The following IL1RAPL2 variants were observed in gnomAD, a reference collection of about 807,000 sequenced individuals.
IL1RAPL2 encodes the protein interleukin 1 receptor accessory protein like 2.
A neutral mutation model predicts 44.1 loss-of-function variants in IL1RAPL2; 3 were observed. That is an observed-to-expected ratio of 0.07 (90% CI 0.03 to 0.18). The LOEUF (loss-of-function observed/expected upper bound fraction) is 0.18, where lower values mean the gene tolerates loss of function less well. Ranked by LOEUF, IL1RAPL2 falls within the 10% of genes least tolerant of loss-of-function variation. The pLI, the probability that IL1RAPL2 is intolerant of heterozygous loss-of-function variation, is 1.00. For missense variants in IL1RAPL2, 391 were observed against 496.4 expected (o/e 0.79, Z 2.02); for synonymous variants, 181 against 178.8 (o/e 1.01, Z -0.10).
intron 5 of IL1RAPL2, among the ~76,000 whole-genome samples, chrX:105,450,789 TACA>T (rs968470653): frequency 1.8e-5 from 2 of 112,039 alleles, no homozygotes; most frequent in African/African-American, 6.5e-5. Flanking sequence ...ATTTGATTTC[TACA>T]ACAACTTTGC....
At chrX:105,258,578 A>G (rs1329920839) in intron 4 of IL1RAPL2, among the ~76,000 whole-genome samples, 1 of 111,968 alleles carries the variant, frequency 8.9e-6, no homozygotes, top group Non-Finnish European at 1.9e-5. Context: ...AGTGATTCAT[A>G]GATTTGGCCT....
chrX:104,877,045 C>A (rs1220710486), intron 2 of IL1RAPL2, among the ~76,000 whole-genome samples: 3 of 110,600 alleles, frequency 2.7e-5, no homozygotes, highest in Non-Finnish European at 3.8e-5. Flanking sequence ...CATGTCCCTA[C>A]AAAGGACATG....
chrX:105,313,597 T>C (rs1044818967), intron 5 of IL1RAPL2, among the ~76,000 whole-genome samples: 8 of 111,748 alleles, frequency 7.2e-5, no homozygotes, highest in African/African-American at 2.6e-4. Context: ...TGTTTATTCT[T>C]CCATGTCATG....
chrX:105,670,224 CTT>C (rs34713102), intron 6 of IL1RAPL2, among the ~76,000 whole-genome samples: 41 of 78,509 alleles, frequency 5.2e-4, no homozygotes, highest in Admixed American at 4.1e-3. Context: ...ATTTTTCCTA[CTT>C]TTTTTTTTTT....
chrX:105,085,942 T>C (rs2032474040), intron 2 of IL1RAPL2, among the ~76,000 whole-genome samples: 1 of 111,974 alleles, frequency 8.9e-6, no homozygotes, highest in African/African-American at 3.3e-5. Context: ...TGGAAGTGGT[T>C]CATCATAAAG....
At chrX:104,866,866 T>G (rs745719839) in intron 2 of IL1RAPL2, among the ~76,000 whole-genome samples, 1 of 111,428 alleles carries the variant, frequency 9.0e-6, no homozygotes, top group African/African-American at 3.3e-5. Context: ...TGAATGTGTG[T>G]TTCTTGAACA....
At chrX:105,750,802 C>T (rs778101844) in intron 9 of IL1RAPL2, among the ~76,000 whole-genome samples, 1 of 109,501 alleles carries the variant, frequency 9.1e-6, no homozygotes, top group South Asian at 4.0e-4. Flanking sequence ...GATCAATTAC[C>T]CTCAGTTCTT....
At chrX:105,265,638 T>C (rs944465024) in intron 4 of IL1RAPL2, among the ~76,000 whole-genome samples, 33 of 111,748 alleles carry the variant, frequency 3.0e-4, no homozygotes, top group African/African-American at 8.8e-4. Flanking sequence ...GGTAGTTGTA[T>C]TGAACATAAA....
At chrX:105,129,513 C>A (rs916806259) in intron 2 of IL1RAPL2, among the ~76,000 whole-genome samples, 2 of 110,273 alleles carry the variant, frequency 1.8e-5, no homozygotes, top group Non-Finnish European at 1.9e-5. Flanking sequence ...TTGTCTCATC[C>A]CCCTGCTGAC....
At chrX:105,191,924 A>T (rs1975317537) in intron 2 of IL1RAPL2, among the ~76,000 whole-genome samples, 1 of 111,719 alleles carries the variant, frequency 9.0e-6, no homozygotes, top group African/African-American at 3.3e-5. Flanking sequence ...CACCTGTGGG[A>T]GAAGCCAAGC....
chrX:105,229,498 A>G (rs1358383533), intron 3 of IL1RAPL2, among the ~76,000 whole-genome samples: 1 of 112,117 alleles, frequency 8.9e-6, no homozygotes, highest in Non-Finnish European at 1.9e-5. Flanking sequence ...AGTGACCACA[A>G]TGAGAGTGTA....
At chrX:105,393,437 A>G (rs777970165) in intron 5 of IL1RAPL2, among the ~76,000 whole-genome samples, 1 of 111,733 alleles carries the variant, frequency 8.9e-6, no homozygotes, top group South Asian at 3.8e-4. Flanking sequence ...TGTGACCTTC[A>G]GAACAATGGC....
At chrX:105,226,934 C>A (rs961050724) in intron 3 of IL1RAPL2, among the ~76,000 whole-genome samples, 1 of 109,616 alleles carries the variant, frequency 9.1e-6, no homozygotes, top group Non-Finnish European at 1.9e-5. Context: ...GCATCATGAA[C>A]TATAAGAAAG....
intron 2 of IL1RAPL2, among the ~76,000 whole-genome samples, chrX:105,165,303 GTGTTGCCAC>G (rs1264045820): frequency 1.8e-5 from 2 of 111,536 alleles, no homozygotes; most frequent in Non-Finnish European, 3.8e-5. Context: ...GAGCTTAATA[GTGTTGCCAC>G]TGAAGCAGAA....
rs186520966 is a variant in IL1RAPL2, at chrX:104,902,741, G to C, written c.82+243746G>C. Among the ~76,000 whole-genome samples the C allele has an allele frequency of 3.8e-3, 427 of 111,500 alleles. 1 individual carries two copies. Among genetic ancestry groups the C allele is most frequent in the Non-Finnish European group, 4.0e-3 (210 of 53,089 alleles). On this transcript the variant is annotated intron_variant, in intron 2 of 10. Transcript: ENST00000372582. Reference sequence around the variant, plus strand: ...CTAGTGTTATAGGTAACAGTTCCCAGCTTGATCAATGTAAATAAATATAAG... The same window carrying C: ...CTAGTGTTATAGGTAACAGTTCCCACCTTGATCAATGTAAATAAATATAAG...
At chrX:105,596,792 T>C (rs1436333613) in intron 6 of IL1RAPL2, among the ~76,000 whole-genome samples, 1 of 111,730 alleles carries the variant, frequency 9.0e-6, no homozygotes, top group Non-Finnish European at 1.9e-5. Context: ...TGGACCCTTA[T>C]CTTACACCAT....
At chrX:105,590,887 ATC>A in intron 6 of IL1RAPL2, among the ~76,000 whole-genome samples, 1 of 90,119 alleles carries the variant, frequency 1.1e-5, no homozygotes, top group African/African-American at 4.7e-5. Context: ...GTGTGTGTGT[ATC>A]TCTGCTAGAT....
At chrX:105,669,731 C>A (rs1331948694) in intron 6 of IL1RAPL2, among the ~76,000 whole-genome samples, 1 of 110,212 alleles carries the variant, frequency 9.1e-6, no homozygotes, top group Non-Finnish European at 1.9e-5. Context: ...TGACAGAAAT[C>A]CTTCATGTTG....
intron 2 of IL1RAPL2, among the ~76,000 whole-genome samples, chrX:104,876,718 T>TTTA (rs200283526): frequency 0.023 from 2,123 of 93,363 alleles, 66 homozygotes; most frequent in African/African-American, 0.063. Flanking sequence ...AACAATTTCT[T>TTTA]TTATTATTAT....
Sources: allele counts gnomAD v4.1 joint callset (sites outside exome capture counted in the v4.1 genomes callset), GRCh38; gene constraint gnomAD v4.1.1; transcripts MANE v1.5; gene names NCBI Gene and HGNC (gene_info 2026-07-23, HGNC 2026-07-21).